Variants in IGF2BP2 observed in about 807,000 individuals in gnomAD.
The protein encoded by IGF2BP2 is insulin like growth factor 2 mRNA binding protein 2.
In IGF2BP2, 17 loss-of-function variants were observed where a neutral mutation model predicts 75.8. The observed-to-expected ratio is 0.22, with a 90% CI of 0.15 to 0.34. The LOEUF (loss-of-function observed/expected upper bound fraction) is 0.34, where lower values mean the gene tolerates loss of function less well. Among genes scored for constraint, IGF2BP2 ranks in the 10% least tolerant of loss-of-function variants. The probability of loss-of-function intolerance (pLI) is 1.00; values close to 1 mark genes in which losing one functional copy is unlikely to be tolerated. For missense variants in IGF2BP2, 516 were observed against 772.4 expected (o/e 0.67, Z 3.93); for synonymous variants, 288 against 295.6 (o/e 0.97, Z 0.26).
Position 185,696,454 on chromosome 3 carries a change from A to G in IGF2BP2, c.340+158T>C, listed in dbSNP as rs1323759223. On this transcript the variant is annotated intron_variant, in intron 4 of 15. Transcript: ENST00000382199. ...AAAGAGACAGATATCTCTCACATCT[A>G]TGTAAGATACATCTTACATAGATGT... The G allele has an allele frequency of 7.8e-6, 5 of 638,640 alleles. No homozygotes were observed. The Admixed American group carries it at 8.5e-5, about 11-fold the overall frequency. The allele number at this position is 638,640 out of a possible 1,614,324, so 39.6% of individuals were successfully genotyped here. A position where few individuals can be genotyped will look rare whatever the true frequency, so the allele number is the denominator to read the frequency against.
chr3:185,744,832 A>G (rs1188739304), intron 2 of IGF2BP2, among the ~76,000 whole-genome samples: 1 of 152,078 alleles, frequency 6.6e-6, no homozygotes, highest in Non-Finnish European at 1.5e-5. Flanking sequence ...TTGGAATCAC[A>G]TTTTCCACAT....
Position 185,678,527 on chromosome 3 carries a change from A to C in IGF2BP2, c.813-2614T>G, listed in dbSNP as rs77337892. Among the ~76,000 whole-genome samples, 1,024 of 152,320 alleles carry C rather than the reference A, an allele frequency of 6.7e-3. 14 individuals are homozygous for C. Among genetic ancestry groups the C allele is most frequent in the African/African-American group, 0.024 (982 of 41,584 alleles). On this transcript the variant is annotated intron_variant, in intron 7 of 15. Coordinates refer to ENST00000382199, the MANE Select transcript of IGF2BP2 (RefSeq NM_006548.6). Reference sequence around the variant, plus strand: ...AAAAGATACTTTGTAGTATAATTTCAATCTTCTTGAATTTTTTAAGATTTG... The same window carrying C: ...AAAAGATACTTTGTAGTATAATTTCCATCTTCTTGAATTTTTTAAGATTTG...
chr3:185,646,953 C>T, intron 15 of IGF2BP2, 72 bp downstream of exon 15: 1 of 1,180,514 alleles, frequency 8.5e-7, no homozygotes, highest in Non-Finnish European at 1.3e-6. Flanking sequence ...GGCCACCTGA[C>T]AGGCCACCAG....
Position 185,728,902 on chromosome 3 carries a change from G to A in IGF2BP2, c.240-30555C>T, listed in dbSNP as rs576614694. 3 of 152,324 alleles carry A rather than the reference G, an allele frequency of 2.0e-5. No homozygotes were observed. In the East Asian group the frequency reaches 5.8e-4, roughly 29 times the overall value. 9.4% of individuals were successfully genotyped at this position (152,324 alleles called of 1,614,324 possible). A position where few individuals can be genotyped will look rare whatever the true frequency, so the allele number is the denominator to read the frequency against. ...CCCATTTTCCTAATCATACCAAGAT[G>A]TTATTTGCCTTGTTTATCGTGTTAG... On this transcript the variant is annotated intron_variant, in intron 2 of 15. Transcript: ENST00000382199.
At position 185,647,110 on chromosome 3, in the gene IGF2BP2, G is replaced by C. The variant is rs1430974194; in HGVS notation, c.1622C>G (p.Ala541Gly). 1 of 1,613,966 alleles carries C rather than the reference G, an allele frequency of 6.2e-7. No individual in the cohort carries two copies. ...TTGGTCACGAGGCACGATGACTTCT[G>C]CACTGGTTAAGTTCTGCAGTTCGTT... ...TVNELQNLTS[A>G]EVIVPRDQTP... The change falls in exon 15 of 16, where the codon GCA becomes GGA. Residue 541 changes from alanine (A) to glycine (G), a missense_variant. Coordinates refer to ENST00000382199, the MANE Select transcript of IGF2BP2 (RefSeq NM_006548.6). The surrounding 1 kb of genome is among the most constrained non-coding windows in gnomAD (Gnocchi z 4.9).
At chr3:185,743,805 G>C (rs1331976070) in intron 2 of IGF2BP2, among the ~76,000 whole-genome samples, 2 of 152,144 alleles carry the variant, frequency 1.3e-5, no homozygotes, top group Non-Finnish European at 2.9e-5. Flanking sequence ...TTGGAATTCT[G>C]GCTTTGGTGA....
intron 2 of IGF2BP2, 123 bp from the exon 3 acceptor site, chr3:185,698,470 C>A: frequency 1.2e-6 from 1 of 802,230 alleles, no homozygotes; most frequent in Non-Finnish European, 2.0e-6. Flanking sequence ...ATGGCATCAA[C>A]AAAAAATTCC....
At chr3:185,823,314 G>A (rs1741605068) in intron 1 of IGF2BP2, 101 bp from the exon 2 acceptor site, 3 of 884,798 alleles carry the variant, frequency 3.4e-6, no homozygotes, top group Admixed American at 3.0e-5. Context: ...CTCCGCCTTC[G>A]GGCGCCCCCA....
At chr3:185,681,585 T>C (rs1308710853) in intron 7 of IGF2BP2, among the ~76,000 whole-genome samples, 4 of 152,336 alleles carry the variant, frequency 2.6e-5, no homozygotes, top group Admixed American at 2.6e-4. Context: ...GAAAAATTCA[T>C]ATGGAATCTC....
chr3:185,745,116 C>T (rs1003695737), intron 2 of IGF2BP2, among the ~76,000 whole-genome samples: 11 of 152,192 alleles, frequency 7.2e-5, no homozygotes, highest in African/African-American at 2.7e-4. Context: ...CCCCTCCACA[C>T]GCTGCTTTGC....
chr3:185,796,647 A>G (rs1474899605), intron 2 of IGF2BP2, among the ~76,000 whole-genome samples: 1 of 150,742 alleles, frequency 6.6e-6, no homozygotes, highest in Admixed American at 6.6e-5. Context: ...GAGAGAGACT[A>G]AGGTAATACA....
At chr3:185,700,856 T>C (rs1181697377) in intron 2 of IGF2BP2, among the ~76,000 whole-genome samples, 1 of 151,216 alleles carries the variant, frequency 6.6e-6, no homozygotes, top group Non-Finnish European at 1.5e-5. Context: ...GAATATAGAA[T>C]ATTATACAGC....
Position 185,774,385 on chromosome 3 carries a change from GGAGATA to G in IGF2BP2, c.239+48762_239+48767del, listed in dbSNP as rs148515309. Among the ~76,000 whole-genome samples, 414 of 151,596 alleles carry G rather than the reference GGAGATA, an allele frequency of 2.7e-3. 1 individual carries two copies. The highest frequency in any genetic ancestry group is 9.6e-3 in the African/African-American group (398 of 41,334). ...CCGAGGTGGGCGGATCACGAGGTCA[GGAGATA>G]GAGACCATCTTGACTAACACATTGA... On this transcript the variant is annotated intron_variant, in intron 2 of 15. Coordinates refer to ENST00000382199, the MANE Select transcript of IGF2BP2 (RefSeq NM_006548.6).
intron 2 of IGF2BP2, among the ~76,000 whole-genome samples, chr3:185,721,471 G>C (rs1007893130): frequency 5.3e-5 from 8 of 152,002 alleles, no homozygotes; most frequent in African/African-American, 1.9e-4. Context: ...CAAAGTGCTG[G>C]GATTACAGGC....
intron 2 of IGF2BP2, among the ~76,000 whole-genome samples, chr3:185,744,699 C>G (rs1053832457): frequency 6.6e-6 from 1 of 152,122 alleles, no homozygotes; most frequent in Non-Finnish European, 1.5e-5. Flanking sequence ...ATCTCAGCTA[C>G]TTGGGAGGCT....
intron 2 of IGF2BP2, among the ~76,000 whole-genome samples, chr3:185,735,652 A>G (rs1357664528): frequency 1.3e-5 from 2 of 152,196 alleles, no homozygotes; most frequent in African/African-American, 4.8e-5. Context: ...TAAGCTTTAC[A>G]CAGCAGAGGG....
At chr3:185,754,725 C>T (rs1454778962) in intron 2 of IGF2BP2, among the ~76,000 whole-genome samples, 2 of 152,124 alleles carry the variant, frequency 1.3e-5, no homozygotes, top group East Asian at 3.9e-4. Context: ...GTAAAAGTCA[C>T]CTGCATTACA....
intron 12 of IGF2BP2, among the ~76,000 whole-genome samples, chr3:185,652,892 A>C (rs896989444): frequency 1.3e-5 from 2 of 151,920 alleles, no homozygotes; most frequent in East Asian, 3.9e-4. Context: ...GCTCACTACA[A>C]CCTCTACCTC....
Position 185,674,921 on chromosome 3 carries a change from T to G in IGF2BP2, c.1071+375A>C, listed in dbSNP as rs144741741. On this transcript the variant is annotated intron_variant, in intron 9 of 15. Transcript: ENST00000382199. ...ATGCCAGCTCACTGTAGTCTCAACC[T>G]CCTGGGCTCAAGTGCTCCTCCTGCC... The G allele has an allele frequency of 4.6e-4, 73 of 159,832 alleles. No individual in the cohort carries two copies. In the East Asian group the frequency reaches 0.012, roughly 27 times the overall value. The allele number at this position is 159,832 out of a possible 1,614,324, so 9.9% of individuals were successfully genotyped here. A position where few individuals can be genotyped will look rare whatever the true frequency, so the allele number is the denominator to read the frequency against.
Sources: gnomAD v4.1 joint callset for allele counts (sites outside exome capture counted in the v4.1 genomes callset) on GRCh38, gnomAD v4.1.1 for gene constraint, Gnocchi (gnomAD v3.1) non-coding constraint, MANE v1.5 for transcripts, NCBI Gene and HGNC (gene_info 2026-07-23, HGNC 2026-07-21) for gene names.